Variants in SLC2A13 observed in about 807,000 individuals in gnomAD.
The protein encoded by SLC2A13 is proton myo-inositol cotransporter.
In SLC2A13, 32 loss-of-function variants were observed where a neutral mutation model predicts 64.4. The ratio of observed to expected loss-of-function variants is 0.50; its 90% confidence interval spans 0.37 to 0.67. SLC2A13 has a LOEUF of 0.67. Ranked by LOEUF, SLC2A13 falls within the 30% of genes least tolerant of loss-of-function variation. SLC2A13 has a pLI of 0.00. For missense variants in SLC2A13, 743 were observed against 829.2 expected, an observed-to-expected ratio of 0.90 and a Z score of 1.28; for synonymous variants, 338 against 327.1, an observed-to-expected ratio of 1.03 and a Z score of -0.36.
At chr12:39,872,639 C>T (rs1263188926) in intron 4 of SLC2A13, among the ~76,000 whole-genome samples, 2 of 152,118 alleles carry the variant, frequency 1.3e-5, no homozygotes, top group Non-Finnish European at 2.9e-5. Context: ...GACCATAATG[C>T]CAGTTTGTTG....
At chr12:40,042,556 T>C (rs1948106144) in intron 2 of SLC2A13, among the ~76,000 whole-genome samples, 1 of 152,202 alleles carries the variant, frequency 6.6e-6, no homozygotes, top group African/African-American at 2.4e-5. Flanking sequence ...ATGAAGTATA[T>C]ATATCCCTCT....
At chr12:39,896,023 C>T (rs1289482051) in intron 4 of SLC2A13, among the ~76,000 whole-genome samples, 2 of 135,606 alleles carry the variant, frequency 1.5e-5, no homozygotes, top group African/African-American at 2.9e-5. Flanking sequence ...TATATGTATA[C>T]ATACATGCAT....
chr12:40,001,671 AT>A (rs1184614253), intron 3 of SLC2A13, among the ~76,000 whole-genome samples: 1 of 152,230 alleles, frequency 6.6e-6, no homozygotes, highest in Non-Finnish European at 1.5e-5. Flanking sequence ...ACTTAATGAC[AT>A]TCAAGGCACT....
chr12:39,924,596 T>A (rs1395504407), intron 4 of SLC2A13, among the ~76,000 whole-genome samples: 1 of 152,194 alleles, frequency 6.6e-6, no homozygotes, highest in Non-Finnish European at 1.5e-5. Flanking sequence ...CTACTATAAA[T>A]AATTCTGCAA....
At chr12:39,945,577 T>C (rs1169960284) in intron 4 of SLC2A13, among the ~76,000 whole-genome samples, 1 of 152,100 alleles carries the variant, frequency 6.6e-6, no homozygotes, top group Non-Finnish European at 1.5e-5. Flanking sequence ...CTTTGTTGGA[T>C]TGGATTAATT....
chr12:39,823,716 T>C lies in SLC2A13; in HGVS notation c.1445+6387A>G, dbSNP rs140813621. Among the ~76,000 whole-genome samples the C allele has an allele frequency of 1.6e-4, 25 of 152,358 alleles. No individual in the cohort carries two copies. The East Asian group carries it at 4.8e-3, about 29-fold the overall frequency. ...CTCCTGCTTTCACCTCTCGAGTAGC[T>C]GGGACTACAGGAATGTGCCACCTCA... On this transcript the variant is annotated intron_variant, in intron 7 of 9. Transcript: ENST00000280871.
intron 4 of SLC2A13, among the ~76,000 whole-genome samples, chr12:39,935,116 C>T (rs1005638876): frequency 1.3e-5 from 2 of 152,052 alleles, no homozygotes. Flanking sequence ...ATGGCTGGGA[C>T]CGGTGGCTCA....
At chr12:40,083,850 T>C (rs1938498646) in intron 1 of SLC2A13, among the ~76,000 whole-genome samples, 1 of 152,250 alleles carries the variant, frequency 6.6e-6, no homozygotes, top group Admixed American at 6.5e-5. Context: ...CCAATCTTCC[T>C]GCTGTTGTTT....
chr12:39,831,617 C>T (rs991568978), intron 6 of SLC2A13, among the ~76,000 whole-genome samples: 1 of 151,868 alleles, frequency 6.6e-6, no homozygotes, highest in Non-Finnish European at 1.5e-5. Context: ...AATTGTAATC[C>T]CCAAAGTTGG....
At position 39,951,298 on chromosome 12, in the gene SLC2A13, G is replaced by A; in HGVS notation, c.993C>T (p.Gly331=). Residue 331 remains glycine (G), a synonymous_variant, in exon 4 of 10, where the codon GGC becomes GGT. Transcript: ENST00000280871. ...CTGAGAGCTGCTGGAACATTTGTAGGCCACAACCCACAATTAAAGCTCGGC... is the reference window on the plus strand; with the variant it reads ...CTGAGAGCTGCTGGAACATTTGTAGACCACAACCCACAATTAAAGCTCGGC... ...PTRRALIVGC[G]LQMFQQLSGI... 2.5e-6 allele frequency: 4 copies of A among 1,613,022 alleles called. No individual in the cohort carries two copies. The African/African-American group carries it at 4.0e-5, about 16-fold the overall frequency.
intron 4 of SLC2A13, among the ~76,000 whole-genome samples, chr12:39,905,162 A>G (rs1408665350): frequency 6.6e-6 from 1 of 152,184 alleles, no homozygotes; most frequent in Non-Finnish European, 1.5e-5. Context: ...ACTGTGAACA[A>G]CTAAGAAAAA....
intron 6 of SLC2A13, chr12:39,830,590 C>A (rs180759075): frequency 3.3e-5 from 19 of 580,218 alleles, no homozygotes; most frequent in Non-Finnish European, 4.0e-5. Context: ...CCAGCCCTGA[C>A]TGGTTCCAAG....
chr12:39,974,549 T>A (rs1206998700), intron 3 of SLC2A13, among the ~76,000 whole-genome samples: 1 of 152,238 alleles, frequency 6.6e-6, no homozygotes, highest in Admixed American at 6.5e-5. Context: ...TGAGTTTTTG[T>A]TAAAGCATCA....
chr12:40,090,627 A>G (rs1938736421), intron 1 of SLC2A13, among the ~76,000 whole-genome samples: 1 of 152,220 alleles, frequency 6.6e-6, no homozygotes, highest in Admixed American at 6.5e-5. Context: ...TTTAGAAACT[A>G]AAATTTTGAA....
Position 40,105,441 on chromosome 12 carries a change from A to G in SLC2A13, c.368T>C (p.Leu123Pro). 1 of 1,555,560 alleles carries G rather than the reference A, an allele frequency of 6.4e-7. No homozygotes were observed. The highest frequency in any genetic ancestry group is 8.7e-7 in the Non-Finnish European group (1 of 1,150,466). ...AGCCGCCCCCACCGTGCTGGACACC[A>G]GCAGCTCCTGCCACAGCGCGTCCAG... ...LSLDALWQEL[L>P]VSSTVGAAAV... Residue 123 changes from leucine (L) to proline (P), a missense_variant, in exon 1 of 10, where the codon CTG becomes CCG. Coordinates refer to ENST00000280871, the MANE Select transcript of SLC2A13 (RefSeq NM_052885.4). The surrounding 1 kb of genome is among the most constrained non-coding windows in gnomAD (Gnocchi z 4.2).
chr12:39,975,837 T>A (rs995338466), intron 3 of SLC2A13, among the ~76,000 whole-genome samples: 2 of 150,402 alleles, frequency 1.3e-5, no homozygotes, highest in Non-Finnish European at 2.9e-5. Flanking sequence ...CGGATACAAA[T>A]GTTCAATAAC....
At chr12:39,894,531 T>C (rs528680574) in intron 4 of SLC2A13, among the ~76,000 whole-genome samples, 2 of 152,356 alleles carry the variant, frequency 1.3e-5, no homozygotes, top group Non-Finnish European at 2.9e-5. Context: ...TCCTGCTGAA[T>C]TGATTTAGCT....
At chr12:39,791,038 A>G (rs1169258811) in intron 7 of SLC2A13, among the ~76,000 whole-genome samples, 32 of 123,372 alleles carry the variant, frequency 2.6e-4, no homozygotes, top group African/African-American at 9.7e-4. Context: ...GTGTCTGTTC[A>G]TGTCCTTTGC....
chr12:40,091,901 C>T (rs781046768), intron 1 of SLC2A13, among the ~76,000 whole-genome samples: 26 of 152,176 alleles, frequency 1.7e-4, no homozygotes, highest in Non-Finnish European at 3.1e-4. Flanking sequence ...GCAGGAATTA[C>T]GTTTAACTTT....
Sources: allele counts gnomAD v4.1 joint callset (sites outside exome capture counted in the v4.1 genomes callset), GRCh38; gene constraint gnomAD v4.1.1; non-coding constraint Gnocchi (gnomAD v3.1); transcripts MANE v1.5; gene names NCBI Gene and HGNC (gene_info 2026-07-23, HGNC 2026-07-21).